LOC400499: variants seen among roughly 807,000 people sequenced by gnomAD.
chr16:11,384,373 TCCCCCAGCCCCAG>T, the LOC400499 span: 1 of 1,078,194 alleles, frequency 9.3e-7, no homozygotes, highest in Non-Finnish European at 1.2e-6. Context: ...CCTGTGATCC[TCCCCCAGCCCCAG>T]CCCTGCTGCC....
chr16:11,394,539 G>A, the LOC400499 span, among the ~76,000 whole-genome samples: 1 of 152,364 alleles, frequency 6.6e-6, no homozygotes, highest in South Asian at 2.1e-4. Context: ...TCTGTTAAGG[G>A]TTGAATTTTG....
At chr16:11,379,663 G>C in the LOC400499 span, among the ~76,000 whole-genome samples, 1 of 152,194 alleles carries the variant, frequency 6.6e-6, no homozygotes, top group Admixed American at 6.5e-5. Context: ...ATTACTGACG[G>C]GACTTCCCGA....
the LOC400499 span, chr16:11,385,056 G>C: frequency 0.065 from 79,519 of 1,230,930 alleles, 2,734 homozygotes; most frequent in Middle Eastern, 0.13. Context: ...GAGTTGTACA[G>C]CCTGTAGGCC....
At chr16:11,472,662 T>C in the LOC400499 span, 3 of 152,334 alleles carry the variant, frequency 2.0e-5, no homozygotes, top group East Asian at 5.8e-4. Flanking sequence ...TTATTATTGT[T>C]ACTACTCCCC....
the LOC400499 span, chr16:11,460,191 T>A: frequency 1.3e-6 from 1 of 775,434 alleles, no homozygotes; most frequent in South Asian, 4.7e-5. Flanking sequence ...CTATTTTTTT[T>A]TAATTTATTA....
chr16:11,404,580 C>T, the LOC400499 span: 7 of 394,798 alleles, frequency 1.8e-5, no homozygotes, highest in East Asian at 3.6e-5. Flanking sequence ...CTCCTGACCT[C>T]GAGTGATCTA....
the LOC400499 span, among the ~76,000 whole-genome samples, chr16:11,496,305 G>A: frequency 6.6e-6 from 1 of 152,152 alleles, no homozygotes; most frequent in African/African-American, 2.4e-5. Context: ...GACCTCAGGT[G>A]ATCTGCCCAC....
At chr16:11,392,022 C>A in the LOC400499 span, 1 of 406,936 alleles carries the variant, frequency 2.5e-6, no homozygotes, top group Non-Finnish European at 4.3e-6. Flanking sequence ...ATTGCTGGAA[C>A]CTTCTCACAG....
the LOC400499 span, among the ~76,000 whole-genome samples, chr16:11,452,176 ATCTGT>A: frequency 1.4e-5 from 2 of 147,134 alleles, no homozygotes; most frequent in Admixed American, 6.8e-5. Flanking sequence ...CCTCCAGAAC[ATCTGT>A]CTGGTTGCTC....
chr16:11,401,378 C>A, the LOC400499 span: 3 of 399,736 alleles, frequency 7.5e-6, no homozygotes, highest in Non-Finnish European at 1.3e-5. Flanking sequence ...CTCACTCTTC[C>A]CCAGCCACAG....
At chr16:11,384,359 A>C in the LOC400499 span, 1 of 1,166,622 alleles carries the variant, frequency 8.6e-7, no homozygotes, top group Non-Finnish European at 1.1e-6. Flanking sequence ...GCCGGCCGTA[A>C]GACCCTGTGA....
the LOC400499 span, among the ~76,000 whole-genome samples, chr16:11,459,617 A>C: frequency 6.6e-6 from 1 of 152,230 alleles, no homozygotes; most frequent in Non-Finnish European, 1.5e-5. Context: ...CCTCTGGGAA[A>C]GACTAAAAGC....
At chr16:11,516,914 G>C in the LOC400499 span, among the ~76,000 whole-genome samples, 1 of 152,164 alleles carries the variant, frequency 6.6e-6, no homozygotes, top group Non-Finnish European at 1.5e-5. Flanking sequence ...CCAAAGCTCT[G>C]GGATTACAGG....
the LOC400499 span, among the ~76,000 whole-genome samples, chr16:11,513,085 C>T: frequency 6.6e-6 from 1 of 152,194 alleles, no homozygotes; most frequent in Non-Finnish European, 1.5e-5. Flanking sequence ...CTCTTTGAGC[C>T]ACAGGTCACT....
At chr16:11,503,461 G>A in the LOC400499 span, among the ~76,000 whole-genome samples, 6 of 152,128 alleles carry the variant, frequency 3.9e-5, no homozygotes, top group South Asian at 2.1e-4. Flanking sequence ...GGTAGGAGCC[G>A]AGCCAAGCCA....
chr16:11,431,840 T>C, the LOC400499 span, among the ~76,000 whole-genome samples: 363 of 152,340 alleles, frequency 2.4e-3, 2 homozygotes, highest in Non-Finnish European at 4.1e-3. Context: ...GTGAGATCTA[T>C]GTCCTCTCCC....
At chr16:11,495,120 A>T in the LOC400499 span, among the ~76,000 whole-genome samples, 4 of 151,994 alleles carry the variant, frequency 2.6e-5, no homozygotes, top group South Asian at 6.2e-4. Context: ...AAGGCACAAG[A>T]ATCCCTTGAA....
the LOC400499 span, among the ~76,000 whole-genome samples, chr16:11,453,146 G>A: frequency 5.3e-5 from 8 of 152,184 alleles, no homozygotes; most frequent in Non-Finnish European, 7.4e-5. Context: ...GTGTGGAAAT[G>A]TGTTCTCTCC....
At chr16:11,391,158 G>C in the LOC400499 span, among the ~76,000 whole-genome samples, 1 of 152,272 alleles carries the variant, frequency 6.6e-6, no homozygotes, top group Admixed American at 6.5e-5. Flanking sequence ...CAGCCAGTCA[G>C]AGGGATGCCC....
Sources: gnomAD v4.1 joint callset for allele counts (sites outside exome capture counted in the v4.1 genomes callset) on GRCh38, gnomAD v4.1.1 for gene constraint, MANE v1.5 for transcripts.